Variants in GKAP1 observed in about 807,000 individuals in gnomAD.
GKAP1 encodes G kinase-anchoring protein 1.
In GKAP1, 31 loss-of-function variants were observed where a neutral mutation model predicts 56.7. The observed-to-expected ratio is 0.55, with a 90% CI of 0.41 to 0.74. The LOEUF is 0.74. Ranked by LOEUF, GKAP1 falls within the 30% of genes least tolerant of loss-of-function variation. The pLI is 0.00. For synonymous variants in GKAP1, 151 were observed against 138.6 expected, an observed-to-expected ratio of 1.09 and a Z score of -0.63; for missense variants, 364 against 402.3, an observed-to-expected ratio of 0.90 and a Z score of 0.82.
At chr9:83,768,723 C>A in intron 8 of GKAP1, 95 bp downstream of exon 8, 1 of 1,023,230 alleles carries the variant, frequency 9.8e-7, no homozygotes, top group Non-Finnish European at 1.5e-6. Context: ...CTACTTTATA[C>A]AATCATAATT....
intron 9 of GKAP1, among the ~76,000 whole-genome samples, chr9:83,749,508 G>A (rs1222876106): frequency 6.6e-6 from 1 of 152,016 alleles, no homozygotes; most frequent in Non-Finnish European, 1.5e-5. Context: ...GATTACAGGC[G>A]TGAGCCACTG....
chr9:83,764,912 A>C (rs1943636078), intron 8 of GKAP1, among the ~76,000 whole-genome samples: 1 of 152,218 alleles, frequency 6.6e-6, no homozygotes, highest in South Asian at 2.1e-4. Context: ...CTGACAATGC[A>C]GTAGAAAAGA....
chr9:83,808,819 T>C (rs1044623033), intron 2 of GKAP1, among the ~76,000 whole-genome samples: 2 of 152,242 alleles, frequency 1.3e-5, no homozygotes, highest in Non-Finnish European at 2.9e-5. Flanking sequence ...ACCAGGTAAC[T>C]TACTTTGGCC....
chr9:83,815,668 A>G (rs902331906), intron 2 of GKAP1, among the ~76,000 whole-genome samples: 20 of 152,162 alleles, frequency 1.3e-4, no homozygotes, highest in African/African-American at 4.3e-4. Context: ...AATGATAGCC[A>G]TCTTCTATTA....
chr9:83,810,457 A>C (rs182567919), intron 2 of GKAP1, among the ~76,000 whole-genome samples: 7 of 152,356 alleles, frequency 4.6e-5, no homozygotes, highest in Non-Finnish European at 7.3e-5. Context: ...CTTTCCTATA[A>C]ATTTATATTA....
At chr9:83,742,437 T>C (rs960764172) in intron 11 of GKAP1, 93 bp downstream of exon 11, 2 of 766,502 alleles carry the variant, frequency 2.6e-6, no homozygotes, top group Admixed American at 4.5e-5. Flanking sequence ...ACTACATCCT[T>C]ACAGTGTTGA....
intron 4 of GKAP1, among the ~76,000 whole-genome samples, chr9:83,795,683 T>C (rs961116422): frequency 6.7e-6 from 1 of 148,464 alleles, no homozygotes. Flanking sequence ...CCTGAGTAGC[T>C]GGGACTACAG....
chr9:83,808,902 C>T (rs1040026418), intron 2 of GKAP1, among the ~76,000 whole-genome samples: 8 of 152,156 alleles, frequency 5.3e-5, no homozygotes, highest in African/African-American at 1.9e-4. Flanking sequence ...CCTGCTTCTG[C>T]GATTGCAGAA....
At chr9:83,753,485 T>C (rs1043144017) in intron 8 of GKAP1, 126 bp from the exon 9 acceptor site, 31 of 663,726 alleles carry the variant, frequency 4.7e-5, no homozygotes, top group East Asian at 3.5e-4. Flanking sequence ...CCTTATGCTG[T>C]TGACTACATT....
chr9:83,770,140 T>A (rs922494520), intron 7 of GKAP1, among the ~76,000 whole-genome samples: 2 of 152,212 alleles, frequency 1.3e-5, no homozygotes, highest in Non-Finnish European at 2.9e-5. Flanking sequence ...TTACTACCAT[T>A]TCATGGCTTG....
intron 2 of GKAP1, among the ~76,000 whole-genome samples, chr9:83,813,594 A>G (rs973275216): frequency 1.3e-5 from 2 of 152,248 alleles, no homozygotes; most frequent in Non-Finnish European, 2.9e-5. Context: ...ATCTCATAAA[A>G]TAAATGATAA....
intron 8 of GKAP1, among the ~76,000 whole-genome samples, chr9:83,765,100 A>C (rs1170774369): frequency 1.3e-5 from 2 of 152,200 alleles, no homozygotes; most frequent in African/African-American, 4.8e-5. Flanking sequence ...GGCTGGGTCC[A>C]GGGCCCCTCT....
chr9:83,796,349 T>C (rs974419219), intron 4 of GKAP1, among the ~76,000 whole-genome samples: 7 of 152,200 alleles, frequency 4.6e-5, no homozygotes, highest in African/African-American at 1.7e-4. Flanking sequence ...TCAGCAAAAC[T>C]TATCTCAAAT....
chr9:83,756,470 C>CAAAA (rs142896755), intron 8 of GKAP1, among the ~76,000 whole-genome samples: 17 of 75,386 alleles, frequency 2.3e-4, no homozygotes, highest in Non-Finnish European at 3.7e-4. Context: ...GACTCCATCT[C>CAAAA]AAAAAAAAAA....
intron 5 of GKAP1, among the ~76,000 whole-genome samples, chr9:83,788,240 T>C (rs933036693): frequency 6.6e-6 from 1 of 152,120 alleles, no homozygotes; most frequent in Admixed American, 6.5e-5. Context: ...ATCATGCCAC[T>C]GCACTCCAGC....
chr9:83,803,081 T>C (rs990662121), intron 3 of GKAP1, among the ~76,000 whole-genome samples: 1 of 152,080 alleles, frequency 6.6e-6, no homozygotes, highest in African/African-American at 2.4e-5. Context: ...TGCATTCCAA[T>C]CTGGGTAACA....
intron 6 of GKAP1, 138 bp downstream of exon 6, chr9:83,784,577 G>T: frequency 1.6e-6 from 1 of 623,322 alleles, no homozygotes; most frequent in African/African-American, 1.9e-5. Flanking sequence ...CTAAGACAAA[G>T]GTTTACATTT....
At chr9:83,742,252 A>C (rs898799647) in intron 11 of GKAP1, among the ~76,000 whole-genome samples, 4 of 118,884 alleles carry the variant, frequency 3.4e-5, no homozygotes, top group Admixed American at 1.1e-4. Context: ...AGAAAAATCA[A>C]GCCCAGATAC....
At chr9:83,759,427 AT>A (rs1012744838) in intron 8 of GKAP1, among the ~76,000 whole-genome samples, 16 of 148,642 alleles carry the variant, frequency 1.1e-4, no homozygotes, top group Admixed American at 6.7e-5. Flanking sequence ...CACCTGGATA[AT>A]TTTTTTTTTG....
Sources: allele counts gnomAD v4.1 joint callset (sites outside exome capture counted in the v4.1 genomes callset), GRCh38; gene constraint gnomAD v4.1.1; transcripts MANE v1.5; gene names NCBI Gene and HGNC (gene_info 2026-07-23, HGNC 2026-07-21).